SEMA5A: variants seen among roughly 807,000 people sequenced by gnomAD.
SEMA5A encodes the protein semaphorin 5A, also known as semaphorin-5A.
Under a neutral mutation model 135.5 loss-of-function variants are expected in SEMA5A, and 55 were observed. The observed-to-expected ratio is 0.41, with a 90% CI of 0.33 to 0.51. The LOEUF (loss-of-function observed/expected upper bound fraction) is 0.51. Among genes scored for constraint, SEMA5A ranks in the 20% least tolerant of loss-of-function variants. The probability of loss-of-function intolerance (pLI) is 0.37; values close to 1 mark genes in which losing one functional copy is unlikely to be tolerated. For synonymous variants in SEMA5A, 580 were observed against 546.5 expected, an observed-to-expected ratio of 1.06 and a Z score of -0.85; for missense variants, 1,290 against 1,419.9, an observed-to-expected ratio of 0.91 and a Z score of 1.47.
At chr5:9,345,147 C>T (rs1466507214) in intron 3 of SEMA5A, among the ~76,000 whole-genome samples, 11 of 151,836 alleles carry the variant, frequency 7.2e-5, no homozygotes, top group African/African-American at 2.4e-4. Context: ...AAACCCACCC[C>T]TGTTTCAGAA....
At chr5:9,161,048 G>A (rs888932086) in intron 11 of SEMA5A, among the ~76,000 whole-genome samples, 1 of 152,120 alleles carries the variant, frequency 6.6e-6, no homozygotes, top group Non-Finnish European at 1.5e-5. Flanking sequence ...ACAGGAAAAC[G>A]TGTTCATGTC....
intron 6 of SEMA5A, among the ~76,000 whole-genome samples, chr5:9,234,756 A>G (rs1321902369): frequency 6.6e-6 from 1 of 152,194 alleles, no homozygotes; most frequent in Admixed American, 6.5e-5. Context: ...ATTTCCCATT[A>G]TTTTTAATCC....
intron 12 of SEMA5A, among the ~76,000 whole-genome samples, chr5:9,150,442 G>A (rs1011137420): frequency 1.3e-5 from 2 of 151,974 alleles, no homozygotes; most frequent in Admixed American, 6.6e-5. Flanking sequence ...TCTTTTGAAT[G>A]ATTTTCTCAC....
chr5:9,191,599 C>T (rs1004849212), intron 10 of SEMA5A, among the ~76,000 whole-genome samples: 2 of 148,680 alleles, frequency 1.3e-5, no homozygotes, highest in Non-Finnish European at 3.0e-5. Context: ...GAGGTGCAAA[C>T]GTATAAGATG....
intron 5 of SEMA5A, among the ~76,000 whole-genome samples, chr5:9,280,095 T>C (rs1400396472): frequency 6.6e-6 from 1 of 152,204 alleles, no homozygotes; most frequent in Non-Finnish European, 1.5e-5. Context: ...GTATTTTTTC[T>C]TGGAGGAATT....
At chr5:9,060,051 C>T (rs888573469) in intron 18 of SEMA5A, among the ~76,000 whole-genome samples, 8 of 152,080 alleles carry the variant, frequency 5.3e-5, no homozygotes, top group African/African-American at 1.9e-4. Context: ...CTAGCACTTC[C>T]AACCCTCCCT....
At chr5:9,176,206 G>A (rs1452000584) in intron 11 of SEMA5A, among the ~76,000 whole-genome samples, 1 of 152,192 alleles carries the variant, frequency 6.6e-6, no homozygotes, top group African/African-American at 2.4e-5. Flanking sequence ...GAGAAGAGAG[G>A]CTCTCCTTGC....
chr5:9,038,731 C>CT lies in SEMA5A; in HGVS notation c.*4165dup, dbSNP rs10695963. On this transcript the variant is annotated 3_prime_UTR_variant, in exon 23 of 23. Coordinates refer to ENST00000382496, the MANE Select transcript of SEMA5A (RefSeq NM_003966.3). ...AGAGACCCCCCGCTAAGACTTTGTT[C>CT]TTTTTTTTTTTTTTTGAGACAGGGT... 19,243 of 140,356 alleles carry CT rather than the reference C, an allele frequency of 0.14. 1,966 individuals are homozygous for CT. Among genetic ancestry groups the CT allele is most frequent in the African/African-American group, 0.27 (10,095 of 37,956 alleles). The allele number at this position is 140,356 out of a possible 1,614,324, so 8.7% of individuals were successfully genotyped here. A position where few individuals can be genotyped will look rare whatever the true frequency, so the allele number is the denominator to read the frequency against.
At chr5:9,376,605 C>T (rs868118477) in intron 3 of SEMA5A, among the ~76,000 whole-genome samples, 1 of 152,322 alleles carries the variant, frequency 6.6e-6, no homozygotes, top group African/African-American at 2.4e-5. Flanking sequence ...ATAGTCTAAA[C>T]CCTTTTAACA....
chr5:9,320,153 C>T (rs1006459675), intron 4 of SEMA5A, among the ~76,000 whole-genome samples: 1 of 152,026 alleles, frequency 6.6e-6, no homozygotes, highest in African/African-American at 2.4e-5. Context: ...AACAGCCTCA[C>T]CCAAACCACA....
chr5:9,153,823 A>G (rs1207501927), intron 12 of SEMA5A, among the ~76,000 whole-genome samples: 3 of 151,802 alleles, frequency 2.0e-5, no homozygotes, highest in African/African-American at 7.3e-5. Context: ...AGGTGGACAG[A>G]TCACTTGAGG....
At chr5:9,374,930 G>A (rs866772886) in intron 3 of SEMA5A, among the ~76,000 whole-genome samples, 2 of 151,862 alleles carry the variant, frequency 1.3e-5, no homozygotes, top group South Asian at 2.1e-4. Flanking sequence ...CTACAGCACC[G>A]GGGTCTCTGC....
chr5:9,532,110 T>A (rs1456276196), intron 1 of SEMA5A, among the ~76,000 whole-genome samples: 1 of 152,232 alleles, frequency 6.6e-6, no homozygotes, highest in African/African-American at 2.4e-5. Context: ...TCCATATCCC[T>A]TTCTTTGACT....
chr5:9,187,740 A>G (rs1313071096), intron 11 of SEMA5A, among the ~76,000 whole-genome samples: 1 of 152,250 alleles, frequency 6.6e-6, no homozygotes, highest in Non-Finnish European at 1.5e-5. Context: ...GGTTTGTGGA[A>G]CAATAAAGCG....
At chr5:9,331,507 CT>C (rs1278857255) in intron 4 of SEMA5A, among the ~76,000 whole-genome samples, 1 of 152,158 alleles carries the variant, frequency 6.6e-6, no homozygotes, top group Non-Finnish European at 1.5e-5. Flanking sequence ...GAAACTTAAG[CT>C]TAACCAATCA....
chr5:9,202,978 A>G (rs1282157818), intron 8 of SEMA5A, among the ~76,000 whole-genome samples: 2 of 152,222 alleles, frequency 1.3e-5, no homozygotes, highest in Non-Finnish European at 2.9e-5. Context: ...ATGGGGAAAC[A>G]AAGAAATGGC....
chr5:9,189,189 T>C (rs1391381886), intron 11 of SEMA5A, among the ~76,000 whole-genome samples: 1 of 152,228 alleles, frequency 6.6e-6, no homozygotes, highest in Admixed American at 6.5e-5. Flanking sequence ...TGCAGGAGCT[T>C]GCTGGGCTGT....
chr5:9,366,658 G>A (rs1274606010), intron 3 of SEMA5A, among the ~76,000 whole-genome samples: 1 of 152,162 alleles, frequency 6.6e-6, no homozygotes, highest in Non-Finnish European at 1.5e-5. Flanking sequence ...AAAGTGCTGG[G>A]ATTACAGGCG....
intron 3 of SEMA5A, among the ~76,000 whole-genome samples, chr5:9,369,620 A>G (rs1006247605): frequency 7.9e-5 from 12 of 152,110 alleles, no homozygotes; most frequent in African/African-American, 2.9e-4. Flanking sequence ...GATTTACCAT[A>G]GCCTCTTCAC....
Sources: gnomAD v4.1 joint callset for allele counts (sites outside exome capture counted in the v4.1 genomes callset) on GRCh38, gnomAD v4.1.1 for gene constraint, MANE v1.5 for transcripts, NCBI Gene and HGNC (gene_info 2026-07-23, HGNC 2026-07-21) for gene names.